STON2: variants seen among roughly 807,000 people sequenced by gnomAD.
STON2 encodes the protein stonin 2, also known as stonin-2.
STON2 carries 29 observed loss-of-function variants against 65.7 expected under a neutral mutation model. That is an observed-to-expected ratio of 0.44 (90% confidence interval 0.33 to 0.60). The LOEUF is 0.60. Ranked by LOEUF, STON2 falls within the 20% of genes least tolerant of loss-of-function variation. STON2 has a pLI of 0.03. For synonymous variants in STON2, 404 were observed against 414.2 expected (o/e 0.98, Z 0.30); for missense variants, 1,054 against 1,118.1 (o/e 0.94, Z 0.82).
At chr14:81,430,868 C>T (rs1191881477) in intron 1 of STON2, among the ~76,000 whole-genome samples, 3 of 152,162 alleles carry the variant, frequency 2.0e-5, no homozygotes, top group Non-Finnish European at 2.9e-5. Context: ...GCAGCACCTT[C>T]TAATGAATTG....
Position 81,281,117 on chromosome 14 carries a change from G to A in STON2, c.743-2378C>T, listed in dbSNP as rs115762148. Reference sequence around the variant, plus strand: ...TACCCACCCCAGAAACAAAATGAGCGAAAAGCATTTTCTATATCTACAGTG... The same window carrying A: ...TACCCACCCCAGAAACAAAATGAGCAAAAAGCATTTTCTATATCTACAGTG... On this transcript the variant is annotated intron_variant, in intron 5 of 7. Coordinates refer to ENST00000614646, the MANE Select transcript of STON2 (RefSeq NM_001394390.1). Among the ~76,000 whole-genome samples the A allele has an allele frequency of 5.6e-3, 858 of 151,916 alleles. 6 individuals are homozygous for A. Among genetic ancestry groups the A allele is most frequent in the African/African-American group, 0.019 (788 of 41,440 alleles).
At chr14:81,344,963 T>G (rs190455426) in intron 4 of STON2, among the ~76,000 whole-genome samples, 1 of 152,328 alleles carries the variant, frequency 6.6e-6, no homozygotes, top group East Asian at 1.9e-4. Context: ...CAAGTCATTC[T>G]GTAGGTAAGC....
intron 4 of STON2, among the ~76,000 whole-genome samples, chr14:81,353,110 GAATT>G (rs1398724462): frequency 6.6e-6 from 1 of 151,872 alleles, no homozygotes; most frequent in Non-Finnish European, 1.5e-5. Context: ...ACATCTACAT[GAATT>G]AATTCAAAAA....
chr14:81,406,784 T>C (rs540149890), intron 2 of STON2, among the ~76,000 whole-genome samples: 39 of 152,204 alleles, frequency 2.6e-4, no homozygotes, highest in Admixed American at 7.2e-4. Flanking sequence ...AGCCACTCTA[T>C]TAAGCTCTGC....
At chr14:81,419,767 G>A (rs1901613713) in intron 2 of STON2, among the ~76,000 whole-genome samples, 1 of 152,182 alleles carries the variant, frequency 6.6e-6, no homozygotes, top group Non-Finnish European at 1.5e-5. Context: ...TCCTTAGGAG[G>A]CAGAGCCTGA....
chr14:81,432,965 C>T lies in STON2; in HGVS notation c.-310+3356G>A, dbSNP rs143768527. ...AGTGGTTTTCAAAGGGTGGGACCAG[C>T]GGCATCAGTATCCCCTGAGCACTTG... On this transcript the variant is annotated intron_variant, in intron 1 of 8. Transcript: ENST00000553821. Among the ~76,000 whole-genome samples, 32 of 152,306 alleles carry T rather than the reference C, an allele frequency of 2.1e-4. No homozygotes were observed. The East Asian group carries it at 6.0e-3, about 28-fold the overall frequency.
chr14:81,270,861 G>A lies in STON2; in HGVS notation c.2593C>T (p.Pro865Ser). 6.2e-7 allele frequency: 1 copy of A among 1,612,908 alleles called. No homozygotes were observed. Among genetic ancestry groups the A allele is most frequent in the Non-Finnish European group, 8.5e-7 (1 of 1,179,920 alleles). Residue 865 changes from proline (P) to serine (S), a missense_variant, in exon 7 of 8, where the codon CCA becomes TCA. By Grantham distance (74) the Pro-to-Ser change is moderately conservative (BLOSUM62 -1). Coordinates refer to ENST00000614646, the MANE Select transcript of STON2 (RefSeq NM_001394390.1). ...TCAAGGTGGCAAAAGAAACAGTGTG[G>A]GTGACCGGAAGCTATGAAAGAAAGA... The part of the protein sequence containing the change: ...LPDKNSASGH[P>S]HCFFCHLELG...
Position 81,264,437 on chromosome 14 carries a change from T to C in STON2, c.*3977A>G. On this transcript the variant is annotated 3_prime_UTR_variant, in exon 8 of 8. Coordinates refer to ENST00000614646, the MANE Select transcript of STON2 (RefSeq NM_001394390.1). ...CAAACATTTATTGAATACATACTCA[T>C]TTTCCTTTATTTCATGAGTATACGT... 1.0e-6 allele frequency: 1 copy of C among 985,448 alleles called. No homozygotes were observed. The highest frequency in any genetic ancestry group is 1.2e-6 in the Non-Finnish European group (1 of 829,940). The allele number at this position is 985,448 out of a possible 1,614,324, so 61.0% of individuals were successfully genotyped here.
rs1038716494 is a variant in STON2, at chr14:81,263,737, A to G, written c.*4677T>C. The G allele has an allele frequency of 6.1e-6, 6 of 985,204 alleles. No individual in the cohort carries two copies. The highest frequency in any genetic ancestry group is 6.0e-6 in the Non-Finnish European group (5 of 829,886). 61.0% of individuals were successfully genotyped at this position (985,204 alleles called of 1,614,324 possible). A position where few individuals can be genotyped will look rare whatever the true frequency, so the allele number is the denominator to read the frequency against. On this transcript the variant is annotated 3_prime_UTR_variant, in exon 8 of 8. Coordinates refer to ENST00000614646, the MANE Select transcript of STON2 (RefSeq NM_001394390.1). Reference sequence around the variant, plus strand: ...GAATTAACATATAATCCTCATTTTTAGAAGAGTTAAAGTTACCACTCGAAC... The same window carrying G: ...GAATTAACATATAATCCTCATTTTTGGAAGAGTTAAAGTTACCACTCGAAC...
intron 1 of STON2, among the ~76,000 whole-genome samples, chr14:81,430,176 T>C (rs769311250): frequency 2.9e-4 from 44 of 152,154 alleles, no homozygotes; most frequent in Non-Finnish European, 5.6e-4. Context: ...CCCAGCACAA[T>C]CTGGGAAAGA....
chr14:81,353,029 C>T (rs1898083855), intron 4 of STON2, among the ~76,000 whole-genome samples: 1 of 152,102 alleles, frequency 6.6e-6, no homozygotes, highest in Non-Finnish European at 1.5e-5. Flanking sequence ...CTATTTTGGT[C>T]AAAGAATGTA....
At chr14:81,301,590 T>C (rs954528252) in intron 5 of STON2, among the ~76,000 whole-genome samples, 1 of 152,204 alleles carries the variant, frequency 6.6e-6, no homozygotes, top group South Asian at 2.1e-4. Context: ...AGTTGGGTGA[T>C]ATACTAGCAG....
chr14:81,409,433 A>C (rs1566948057), intron 2 of STON2, among the ~76,000 whole-genome samples: 1 of 15,034 alleles, frequency 6.7e-5, no homozygotes, highest in Non-Finnish European at 1.3e-4. Context: ...ATATAAAAAT[A>C]TATATATATA....
intron 4 of STON2, among the ~76,000 whole-genome samples, chr14:81,350,928 C>T (rs1049241422): frequency 6.6e-6 from 1 of 152,096 alleles, no homozygotes; most frequent in African/African-American, 2.4e-5. Flanking sequence ...TGACTTTGCA[C>T]AAGAGATTCA....
In STON2 at chr14:81,408,713, G is replaced by A. The variant is rs1348868309; in HGVS notation, c.-198-10133C>T. Among the ~76,000 whole-genome samples the A allele has an allele frequency of 2.0e-5, 3 of 152,036 alleles. No homozygotes were observed. In the East Asian group the frequency reaches 5.8e-4, roughly 29 times the overall value. ...GGCTCTGCTATCTAACAATTCCATG[G>A]CCCCACATTCAGAGTCAAGAATCTA... is the stretch of plus-strand genomic sequence containing the variant. On this transcript the variant is annotated intron_variant, in intron 2 of 8. Coordinates refer to the STON2 transcript ENST00000553821.
At chr14:81,310,903 T>C (rs1896398377) in intron 5 of STON2, among the ~76,000 whole-genome samples, 2 of 152,300 alleles carry the variant, frequency 1.3e-5, no homozygotes, top group South Asian at 4.1e-4. Context: ...GCAAAGGCCT[T>C]TGACTTTTCA....
chr14:81,430,053 AG>A (rs1285963798), intron 1 of STON2, among the ~76,000 whole-genome samples: 1 of 152,180 alleles, frequency 6.6e-6, no homozygotes, highest in East Asian at 1.9e-4. Context: ...GGACCAGTGC[AG>A]GGGCACAGTT....
At chr14:81,356,784 G>C (rs1187982756) in intron 4 of STON2, among the ~76,000 whole-genome samples, 1 of 151,976 alleles carries the variant, frequency 6.6e-6, no homozygotes, top group Admixed American at 6.6e-5. Context: ...AGATTTTCTA[G>C]TTTATTTGCG....
rs976376710 is a variant in STON2, at chr14:81,371,125, G to A, written c.434C>T (p.Pro145Leu). 6.8e-6 allele frequency: 11 copies of A among 1,614,038 alleles called. No homozygotes were observed. The Admixed American group carries it at 8.3e-5, about 12-fold the overall frequency. The change falls in exon 4 of 8, where the codon CCT (proline) becomes CTT (leucine). Residue 145 changes from proline to leucine, a missense_variant. Pro to Leu is a moderately conservative substitution (Grantham distance 98). Coordinates refer to ENST00000614646, the MANE Select transcript of STON2 (RefSeq NM_001394390.1). ...CPSFDSLGRC[P>L]LTSESSWTTH... is the part of the protein sequence containing the mutation. The stretch of plus-strand genomic sequence containing the variant: ...GGTCCAGCTGCTCTCAGAAGTCAGA[G>A]GGCATCTCCCCAGGGAGTCAAAGGA...
Sources: allele counts gnomAD v4.1 joint callset (sites outside exome capture counted in the v4.1 genomes callset), GRCh38; gene constraint gnomAD v4.1.1; transcripts MANE v1.5; gene names NCBI Gene and HGNC (gene_info 2026-07-23, HGNC 2026-07-21).